Variants in GRID1 observed in about 807,000 individuals in gnomAD.
GRID1 encodes the protein glutamate ionotropic receptor delta type subunit 1.
GRID1 carries 28 observed loss-of-function variants against 98.0 expected under a neutral mutation model. That is an observed-to-expected ratio of 0.29 (90% CI 0.21 to 0.39). The LOEUF (loss-of-function observed/expected upper bound fraction) is 0.39. Among genes scored for constraint, GRID1 ranks in the 10% least tolerant of loss-of-function variants. GRID1 has a pLI of 1.00. For synonymous variants in GRID1, 553 were observed against 538.5 expected (o/e 1.03, Z -0.37); for missense variants, 1,111 against 1,340.5 (o/e 0.83, Z 2.67).
rs1157625092 is a variant in GRID1, at chr10:86,042,923, A to C, written c.726+95896T>G. Among the ~76,000 whole-genome samples, 3 of 152,026 alleles carry C rather than the reference A, an allele frequency of 2.0e-5. No homozygotes were observed. The East Asian group carries it at 5.8e-4, about 29-fold the overall frequency. On this transcript the variant is annotated intron_variant, in intron 4 of 15. Coordinates refer to ENST00000327946, the MANE Select transcript of GRID1 (RefSeq NM_017551.3). ...CAACATAGTAAGACCCCATCTCTACAAAAAAGTAAAAATTAGCTGGGCATG... is the reference window on the plus strand; with the variant it reads ...CAACATAGTAAGACCCCATCTCTACCAAAAAGTAAAAATTAGCTGGGCATG...
At chr10:85,786,727 C>G (rs193030295) in intron 8 of GRID1, among the ~76,000 whole-genome samples, 4 of 152,110 alleles carry the variant, frequency 2.6e-5, no homozygotes, top group Non-Finnish European at 5.9e-5. Context: ...TGGGAAAGGG[C>G]CGATTAGATT....
rs115158135 is a variant in GRID1 at position 85,915,621 on chromosome 10, C to A, written c.780+565G>T. Reference sequence around the variant, plus strand: ...ACACACACCTGCACACACACATCCACGAACATGCATGTTCACACACTCACA... The same window carrying A: ...ACACACACCTGCACACACACATCCAAGAACATGCATGTTCACACACTCACA... On this transcript the variant is annotated intron_variant, in intron 5 of 15. Coordinates refer to ENST00000327946, the MANE Select transcript of GRID1 (RefSeq NM_017551.3). Among the ~76,000 whole-genome samples the A allele has an allele frequency of 3.4e-3, 522 of 152,050 alleles. 2 individuals carry two copies. Among genetic ancestry groups the A allele is most frequent in the African/African-American group, 0.012 (480 of 41,474 alleles).
chr10:86,305,707 C>T (rs960627774), intron 2 of GRID1, among the ~76,000 whole-genome samples: 5 of 152,214 alleles, frequency 3.3e-5, no homozygotes, highest in African/African-American at 1.2e-4. Context: ...ATAAGGTCTT[C>T]CCCTGGGGCC....
intron 2 of GRID1, among the ~76,000 whole-genome samples, chr10:86,341,582 C>T (rs1401645149): frequency 6.6e-6 from 1 of 152,224 alleles, no homozygotes; most frequent in Non-Finnish European, 1.5e-5. Context: ...GCTAGGCCCT[C>T]CTCACCAGCT....
intron 4 of GRID1, among the ~76,000 whole-genome samples, chr10:86,070,471 G>A (rs1843787931): frequency 6.6e-6 from 1 of 152,180 alleles, no homozygotes; most frequent in Admixed American, 6.5e-5. Flanking sequence ...ACCAGGCTGG[G>A]ATGGGCACAG....
At chr10:85,967,160 A>T (rs1842347864) in intron 4 of GRID1, among the ~76,000 whole-genome samples, 1 of 152,254 alleles carries the variant, frequency 6.6e-6, no homozygotes, top group Admixed American at 6.5e-5. Flanking sequence ...CTCCCCAGCC[A>T]TGTGGAACTG....
At chr10:85,625,396 T>G (rs1325892935) in intron 13 of GRID1, among the ~76,000 whole-genome samples, 1 of 152,214 alleles carries the variant, frequency 6.6e-6, no homozygotes, top group Non-Finnish European at 1.5e-5. Flanking sequence ...TCCTTGACAT[T>G]TTTGGCCTAC....
chr10:85,984,815 A>G lies in GRID1; in HGVS notation c.727-68576T>C, dbSNP rs373346507. 3.9e-5 allele frequency among the ~76,000 whole-genome samples: 6 copies of G among 152,140 alleles called. No individual in the cohort carries two copies. The South Asian group carries it at 6.2e-4, about 16-fold the overall frequency. On this transcript the variant is annotated intron_variant, in intron 4 of 15. Coordinates refer to ENST00000327946, the MANE Select transcript of GRID1 (RefSeq NM_017551.3). ...CCACCTTGAGTCCCAGGAGCAAACC[A>G]TGGGGCACTGGAGCACCTGGTAGGA... is the stretch of plus-strand genomic sequence containing the variant.
At chr10:85,815,763 C>T (rs1187891464) in intron 8 of GRID1, among the ~76,000 whole-genome samples, 1 of 151,892 alleles carries the variant, frequency 6.6e-6, no homozygotes, top group African/African-American at 2.4e-5. Context: ...CAAAAATACA[C>T]TATTAAGTAA....
At chr10:85,672,870 C>T (rs1442450815) in intron 12 of GRID1, among the ~76,000 whole-genome samples, 1 of 152,186 alleles carries the variant, frequency 6.6e-6, no homozygotes, top group Non-Finnish European at 1.5e-5. Flanking sequence ...TTTTGACTTT[C>T]AAGTTTTATC....
At chr10:85,914,937 A>G (rs1841592070) in intron 5 of GRID1, among the ~76,000 whole-genome samples, 1 of 152,152 alleles carries the variant, frequency 6.6e-6, no homozygotes, top group Non-Finnish European at 1.5e-5. Flanking sequence ...AGTGCTCCTC[A>G]AAGGATATGT....
At chr10:85,691,703 C>A (rs1294361308) in intron 12 of GRID1, among the ~76,000 whole-genome samples, 1 of 152,228 alleles carries the variant, frequency 6.6e-6, no homozygotes, top group Non-Finnish European at 1.5e-5. Flanking sequence ...CTCTTTCTCC[C>A]AAATTTCCCA....
intron 2 of GRID1, among the ~76,000 whole-genome samples, chr10:86,340,579 C>T (rs919176207): frequency 6.6e-6 from 1 of 152,160 alleles, no homozygotes; most frequent in African/African-American, 2.4e-5. Context: ...GTGAATACTC[C>T]AGGGGCACAG....
chr10:85,777,472 T>C (rs994617786), intron 8 of GRID1, among the ~76,000 whole-genome samples: 1 of 152,214 alleles, frequency 6.6e-6, no homozygotes, highest in Admixed American at 6.5e-5. Context: ...TTAAGTAGAA[T>C]GGGGTAGGAC....
In GRID1 at chr10:86,259,115, C is replaced by G. The variant is rs571664296; in HGVS notation, c.236-52467G>C. Among the ~76,000 whole-genome samples, 23 of 152,360 alleles carry G rather than the reference C, an allele frequency of 1.5e-4. No individual in the cohort carries two copies. In the South Asian group the frequency reaches 4.6e-3, roughly 30 times the overall value. ...AAAGGTGGGCGCTGATGGCTGGACACAGGCCAACATGTGCTGCCCAGCTGT... is the reference window on the plus strand; with the variant it reads ...AAAGGTGGGCGCTGATGGCTGGACAGAGGCCAACATGTGCTGCCCAGCTGT... On this transcript the variant is annotated intron_variant, in intron 2 of 15. Coordinates refer to ENST00000327946, the MANE Select transcript of GRID1 (RefSeq NM_017551.3).
chr10:86,296,966 G>T (rs185393991), intron 2 of GRID1, among the ~76,000 whole-genome samples: 1 of 152,284 alleles, frequency 6.6e-6, no homozygotes, highest in Non-Finnish European at 1.5e-5. Context: ...CATGACCCGT[G>T]TAAAGAAAAC....
rs552896605 is a variant in GRID1, at chr10:85,927,334, A to G, written c.727-11095T>C. ...ACTGTTGGTCACCCCATGGCTTAAT[A>G]CCCGAGGTGGGAGGATCAGTGGCAT... is the stretch of plus-strand genomic sequence containing the variant. On this transcript the variant is annotated intron_variant, in intron 4 of 15. Coordinates refer to ENST00000327946, the MANE Select transcript of GRID1 (RefSeq NM_017551.3). 3.3e-5 allele frequency among the ~76,000 whole-genome samples: 5 copies of G among 152,290 alleles called. No homozygotes were observed. The South Asian group carries it at 1.0e-3, about 32-fold the overall frequency.
chr10:85,789,868 A>G (rs1274278586), intron 8 of GRID1, among the ~76,000 whole-genome samples: 1 of 152,106 alleles, frequency 6.6e-6, no homozygotes, highest in African/African-American at 2.4e-5. Context: ...GCAGTTTGCA[A>G]GTCTGAGTGA....
chr10:86,083,188 G>A (rs1844001497), intron 4 of GRID1, among the ~76,000 whole-genome samples: 1 of 152,178 alleles, frequency 6.6e-6, no homozygotes, highest in South Asian at 2.1e-4. Flanking sequence ...TTCTCCCCTT[G>A]AACATTATAT....
Sources: gnomAD v4.1 joint callset for allele counts (sites outside exome capture counted in the v4.1 genomes callset) on GRCh38, gnomAD v4.1.1 for gene constraint, MANE v1.5 for transcripts, NCBI Gene and HGNC (gene_info 2026-07-23, HGNC 2026-07-21) for gene names.